Variants in DRICH1 observed in about 807,000 individuals in gnomAD.
DRICH1 encodes the protein aspartate-rich protein 1.
In DRICH1, 38 loss-of-function variants were observed where a neutral mutation model predicts 39.5. The observed-to-expected ratio is 0.96, with a 90% CI of 0.74 to 1.26. The LOEUF (loss-of-function observed/expected upper bound fraction) is 1.26, where lower values mean the gene tolerates loss of function less well. Among genes scored for constraint, DRICH1 ranks in the 50% most tolerant of loss-of-function variants. DRICH1 has a pLI of 0.00. For synonymous variants in DRICH1, 84 were observed against 99.5 expected (o/e 0.84, Z 0.93); for missense variants, 279 against 270.4 (o/e 1.03, Z -0.22).
At chr22:23,615,449 T>C (rs988037834) in intron 8 of DRICH1, among the ~76,000 whole-genome samples, 1 of 152,188 alleles carries the variant, frequency 6.6e-6, no homozygotes, top group Non-Finnish European at 1.5e-5. Context: ...AAACCAAAAA[T>C]TTTTATCAGT....
At chr22:23,599,158 G>A in the DRICH1 span, among the ~76,000 whole-genome samples, 3 of 152,204 alleles carry the variant, frequency 2.0e-5, no homozygotes, top group African/African-American at 7.2e-5. Flanking sequence ...AGGAGTTGCA[G>A]ATCTGGCCAG....
the DRICH1 span, among the ~76,000 whole-genome samples, chr22:23,596,415 C>CA: frequency 3.7e-4 from 44 of 120,388 alleles, no homozygotes; most frequent in South Asian, 0.012. Context: ...ACATGGCACC[C>CA]CCGTTTATTT....
downstream of DRICH1, among the ~76,000 whole-genome samples, chr22:23,603,860 T>C (rs1602320762): frequency 6.6e-6 from 1 of 152,082 alleles, no homozygotes; most frequent in Non-Finnish European, 1.5e-5. Flanking sequence ...GTGGATGGCC[T>C]TGGGGGAGAC....
the DRICH1 span, among the ~76,000 whole-genome samples, chr22:23,592,568 C>T: frequency 6.6e-6 from 1 of 152,124 alleles, no homozygotes; most frequent in Admixed American, 6.6e-5. Context: ...GCCTACTCCA[C>T]AGCCTCTTCA....
downstream of DRICH1, among the ~76,000 whole-genome samples, chr22:23,605,725 G>T (rs556252036): frequency 1.3e-4 from 20 of 152,212 alleles, 1 homozygote; most frequent in South Asian, 3.3e-3. Context: ...AAATTTAACA[G>T]GGGCCAGAAA....
At chr22:23,588,157 T>G in the DRICH1 span, among the ~76,000 whole-genome samples, 1 of 152,320 alleles carries the variant, frequency 6.6e-6, no homozygotes, top group Admixed American at 6.5e-5. Flanking sequence ...GACAGAGTCT[T>G]GCTCTGTCAC....
chr22:23,623,914 T>C (rs1927913474), intron 3 of DRICH1: 3 of 976,416 alleles, frequency 3.1e-6, no homozygotes, highest in Non-Finnish European at 2.4e-6. Context: ...CTTCCACAAA[T>C]GATGGTAAAA....
At chr22:23,582,555 C>CTTTTATTATTATTATTATTATTATTATTA in the DRICH1 span, among the ~76,000 whole-genome samples, 1 of 143,872 alleles carries the variant, frequency 7.0e-6, no homozygotes, top group South Asian at 2.2e-4. Flanking sequence ...CCTTCAGGGG[C>CTTTTATTATTATTATTATTATTATTATTA]TTATTATTAT....
At chr22:23,610,683 C>T (rs1926980553) in intron 11 of DRICH1, 1 of 152,186 alleles carries the variant, frequency 6.6e-6, no homozygotes, top group South Asian at 2.1e-4. Context: ...GTTAGGTTTC[C>T]CTTCCATTTT....
intron 11 of DRICH1, among the ~76,000 whole-genome samples, chr22:23,611,296 A>G (rs1413727132): frequency 6.6e-6 from 1 of 152,188 alleles, no homozygotes; most frequent in African/African-American, 2.4e-5. Context: ...TGACTAAAAC[A>G]AAACTAATTC....
intron 3 of DRICH1, among the ~76,000 whole-genome samples, chr22:23,623,332 G>A (rs557299018): frequency 1.3e-5 from 2 of 152,234 alleles, no homozygotes; most frequent in East Asian, 1.9e-4. Context: ...TTGCACCCAG[G>A]AGGCAGAGGT....
chr22:23,593,163 TC>T, the DRICH1 span, among the ~76,000 whole-genome samples: 4 of 151,782 alleles, frequency 2.6e-5, no homozygotes, highest in Admixed American at 2.0e-4. Flanking sequence ...CTAAAGGAAA[TC>T]AGCAAAATTA....
chr22:23,622,395 G>C (rs5759935), intron 3 of DRICH1, among the ~76,000 whole-genome samples: 1 of 152,202 alleles, frequency 6.6e-6, no homozygotes, highest in Non-Finnish European at 1.5e-5. Context: ...GCATCATGCA[G>C]CAACACAAAA....
intron 1 of DRICH1, among the ~76,000 whole-genome samples, chr22:23,627,659 C>T: frequency 6.6e-6 from 1 of 152,148 alleles, no homozygotes; most frequent in Non-Finnish European, 1.5e-5. Context: ...CACGTGCACA[C>T]AGGGGAAGAG....
At chr22:23,619,931 C>CAGA (rs147236872) in intron 5 of DRICH1, among the ~76,000 whole-genome samples, 8,351 of 152,214 alleles carry the variant, frequency 0.055, 380 homozygotes, top group African/African-American at 0.13. Flanking sequence ...GGGCACACCA[C>CAGA]AGAATTCTGT....
At chr22:23,625,176 C>G (rs1927986459) in intron 2 of DRICH1, among the ~76,000 whole-genome samples, 1 of 152,144 alleles carries the variant, frequency 6.6e-6, no homozygotes, top group Non-Finnish European at 1.5e-5. Flanking sequence ...CTCTGCATTA[C>G]AGTTGATGAT....
intron 1 of DRICH1, chr22:23,630,861 G>A (rs1249572913): frequency 1.3e-5 from 2 of 152,162 alleles, no homozygotes; most frequent in Non-Finnish European, 2.9e-5. Context: ...GACAGAAGCA[G>A]GGAAGAGAGT....
intron 3 of DRICH1, 63 bp downstream of exon 3, chr22:23,624,820 G>A (rs2123790383): frequency 6.4e-7 from 1 of 1,554,958 alleles, no homozygotes; most frequent in Non-Finnish European, 8.9e-7. Context: ...CCAGATTAAG[G>A]TTTCTATATA....
chr22:23,582,749 C>T, the DRICH1 span, among the ~76,000 whole-genome samples: 2 of 151,724 alleles, frequency 1.3e-5, no homozygotes, highest in African/African-American at 4.8e-5. Flanking sequence ...CTAGTAGAGA[C>T]GGGGTTTCAC....
Sources: gnomAD v4.1 joint callset for allele counts (sites outside exome capture counted in the v4.1 genomes callset) on GRCh38, gnomAD v4.1.1 for gene constraint, MANE v1.5 for transcripts, NCBI Gene and HGNC (gene_info 2026-07-23, HGNC 2026-07-21) for gene names.